Variants in BIK observed in about 807,000 individuals in gnomAD.
BIK encodes the protein bcl-2-interacting killer.
BIK carries 14 observed loss-of-function variants against 12.1 expected under a neutral mutation model. The ratio of observed to expected loss-of-function variants is 1.16; its 90% CI spans 0.77 to 1.81. The LOEUF is 1.81. Ranked by LOEUF, BIK falls within the 40% of genes most tolerant of loss-of-function variation. The pLI, the probability that BIK is intolerant of heterozygous loss-of-function variation, is 0.00. For missense variants in BIK, 215 were observed against 207.9 expected (o/e 1.03, Z -0.21); for synonymous variants, 86 against 92.3 (o/e 0.93, Z 0.39).
intron 1 of BIK, among the ~76,000 whole-genome samples, chr22:43,111,578 T>G (rs1362150404): frequency 6.6e-6 from 1 of 152,216 alleles, no homozygotes; most frequent in African/African-American, 2.4e-5. Flanking sequence ...GGTCGTCGTC[T>G]GGGCTCTGGC....
Position 43,124,077 on chromosome 22 carries a change from G to A in BIK, c.55G>A (p.Glu19Lys), listed in dbSNP as rs4988415. The change falls in exon 2 of 5, where the codon GAG (glutamate) becomes AAG (lysine). Residue 19 changes from glutamate to lysine, a missense_variant. By Grantham distance (56) the Glu-to-Lys change is moderately conservative (BLOSUM62 1). Coordinates refer to ENST00000216115, the MANE Select transcript of BIK (RefSeq NM_001197.5). ...RDILMETLLY[E>K]QLLEPPTMEV... The stretch of plus-strand genomic sequence containing the variant: ...CATCTTGATGGAGACCCTCCTGTAT[G>A]AGCAGCTCCTGGAACCCCCGACCAT... 7.5e-4 allele frequency: 1,214 copies of A among 1,614,172 alleles called. 20 individuals are homozygous for A. The South Asian group carries it at 0.012, about 16-fold the overall frequency.
chr22:43,126,529 G>A (rs761118804), intron 2 of BIK, among the ~76,000 whole-genome samples: 3 of 152,110 alleles, frequency 2.0e-5, no homozygotes, highest in African/African-American at 4.8e-5. Context: ...GATGAGGAAC[G>A]TGAAGGCCCA....
intron 1 of BIK, among the ~76,000 whole-genome samples, chr22:43,121,220 A>G (rs796462130): frequency 5.9e-5 from 9 of 152,184 alleles, no homozygotes; most frequent in African/African-American, 1.9e-4. Flanking sequence ...ACCAACAAAA[A>G]CACAATAGAT....
intron 1 of BIK, among the ~76,000 whole-genome samples, chr22:43,115,141 G>C (rs1390275840): frequency 2.0e-5 from 3 of 152,230 alleles, no homozygotes; most frequent in Non-Finnish European, 4.4e-5. Flanking sequence ...GATGGGCTGA[G>C]TGCCCAATCC....
chr22:43,122,864 G>T (rs946568992), intron 1 of BIK, among the ~76,000 whole-genome samples: 27 of 152,134 alleles, frequency 1.8e-4, no homozygotes, highest in African/African-American at 6.0e-4. Context: ...TGAAGGAGCT[G>T]CCCTGGCTGT....
chr22:43,128,577 TA>T lies in BIK; in HGVS notation c.344del (p.Lys115ArgfsTer4). 1 of 1,614,022 alleles carries T rather than the reference TA, an allele frequency of 6.2e-7. No individual in the cohort carries two copies. Among genetic ancestry groups the T allele is most frequent in the East Asian group, 2.2e-5 (1 of 44,878 alleles). On this transcript the variant is annotated frameshift_variant, in exon 4 of 5. Transcript: ENST00000216115. LOFTEE classifies it low-confidence loss of function (END_TRUNC). ...GTTTCATGGACGGTTTCACCACACT[TA>T]AGGAGAACATAATGAGGTTCTGGAG... ...RSFMDGFTTL[K>X]ENIMRFWRSP...
At chr22:43,120,042 G>A in intron 1 of BIK, among the ~76,000 whole-genome samples, 1 of 152,202 alleles carries the variant, frequency 6.6e-6, no homozygotes, top group South Asian at 2.1e-4. Flanking sequence ...TCTGAGGTTG[G>A]CTGGTGAGCT....
At chr22:43,127,200 G>T (rs1930333902) in intron 2 of BIK, among the ~76,000 whole-genome samples, 1 of 152,102 alleles carries the variant, frequency 6.6e-6, no homozygotes, top group African/African-American at 2.4e-5. Context: ...GGTGGTGCCA[G>T]CAGGGCTGGT....
intron 2 of BIK, among the ~76,000 whole-genome samples, chr22:43,126,469 G>A (rs1008483621): frequency 6.6e-6 from 1 of 152,114 alleles, no homozygotes; most frequent in African/African-American, 2.4e-5. Context: ...TTACAGGCGT[G>A]AGCCACCACA....
intron 1 of BIK, among the ~76,000 whole-genome samples, chr22:43,112,774 A>G (rs1930036191): frequency 6.6e-6 from 1 of 151,958 alleles, no homozygotes; most frequent in Non-Finnish European, 1.5e-5. Flanking sequence ...GCATGGTGGC[A>G]TGTGCCTCTG....
chr22:43,127,627 C>A, intron 2 of BIK, 70 bp from the exon 3 acceptor site: 2 of 1,379,866 alleles, frequency 1.4e-6, no homozygotes, highest in Non-Finnish European at 2.0e-6. Flanking sequence ...AATCCGTTGG[C>A]TGGGTGGGTC....
intron 2 of BIK, among the ~76,000 whole-genome samples, chr22:43,125,882 C>T (rs963242929): frequency 1.3e-5 from 2 of 152,204 alleles, no homozygotes; most frequent in African/African-American, 4.8e-5. Context: ...CTGGAGGCAG[C>T]AGGATTTGCC....
intron 1 of BIK, among the ~76,000 whole-genome samples, chr22:43,111,435 G>T (rs1224366181): frequency 6.6e-6 from 1 of 152,198 alleles, no homozygotes; most frequent in Non-Finnish European, 1.5e-5. Context: ...GCCCCAGACT[G>T]GGCGGGGACT....
chr22:43,114,320 C>T (rs1647735181), intron 1 of BIK, among the ~76,000 whole-genome samples: 3 of 151,996 alleles, frequency 2.0e-5, no homozygotes, highest in Admixed American at 6.6e-5. Context: ...GCCCCCTCCC[C>T]GAGATGGAGT....
In BIK at chr22:43,129,220, G is replaced by A. The variant is rs1359135855; in HGVS notation, c.398G>A (p.Cys133Tyr). The A allele has an allele frequency of 6.2e-7, 1 of 1,604,582 alleles. No individual in the cohort carries two copies. The highest frequency in any genetic ancestry group is 8.5e-7 in the Non-Finnish European group (1 of 1,179,816). Residue 133 changes from cysteine (C) to tyrosine (Y), a missense_variant, in exon 5 of 5, where the codon TGC (cysteine) becomes TAC (tyrosine). Physicochemically the swap from Cys to Tyr is radical, Grantham distance 194. Transcript: ENST00000216115. ...RSPNPGSWVS[C>Y]EQVLLALLLL... ...TCTGCTTTGCTCCCACAGGTGTCCT[G>A]CGAACAGGTGCTGCTGGCGCTGCTG...
intron 2 of BIK, among the ~76,000 whole-genome samples, chr22:43,126,907 G>A (rs1490893192): frequency 1.3e-5 from 2 of 152,128 alleles, no homozygotes; most frequent in African/African-American, 2.4e-5. Flanking sequence ...TCCAAGTAGG[G>A]AGTGTAGGCC....
At chr22:43,117,962 C>T (rs1012140838) in intron 1 of BIK, among the ~76,000 whole-genome samples, 1 of 152,084 alleles carries the variant, frequency 6.6e-6, no homozygotes, top group Non-Finnish European at 1.5e-5. Context: ...TGTAAGCCAC[C>T]GCGGCTGGCC....
intron 3 of BIK, 88 bp from the exon 4 acceptor site, chr22:43,128,408 C>T (rs935189563): frequency 2.0e-6 from 3 of 1,523,294 alleles, no homozygotes; most frequent in Non-Finnish European, 1.8e-6. Flanking sequence ...CCCTGCTCCC[C>T]ACAGCTGTGA....
intron 1 of BIK, among the ~76,000 whole-genome samples, chr22:43,117,108 G>C (rs1930130074): frequency 6.6e-6 from 1 of 152,074 alleles, no homozygotes; most frequent in African/African-American, 2.4e-5. Context: ...CATTTCAAAG[G>C]CTCTGATTCT....
Sources: gnomAD v4.1 joint callset for allele counts (sites outside exome capture counted in the v4.1 genomes callset) on GRCh38, gnomAD v4.1.1 for gene constraint, MANE v1.5 for transcripts, NCBI Gene and HGNC (gene_info 2026-07-23, HGNC 2026-07-21) for gene names.